PTPRD: variants seen among roughly 807,000 people sequenced by gnomAD.
PTPRD encodes protein tyrosine phosphatase receptor type D, also known as receptor-type tyrosine-protein phosphatase delta.
In PTPRD, 34 loss-of-function variants were observed where a neutral mutation model predicts 214.5. That is an observed-to-expected ratio of 0.16 (90% CI 0.12 to 0.21). The LOEUF (loss-of-function observed/expected upper bound fraction) is 0.21, where lower values mean the gene tolerates loss of function less well. Ranked by LOEUF, PTPRD falls within the 10% of genes least tolerant of loss-of-function variation. The pLI, the probability that PTPRD is intolerant of heterozygous loss-of-function variation, is 1.00. For synonymous variants in PTPRD, 1,128 were observed against 845.7 expected, an observed-to-expected ratio of 1.33 and a Z score of -5.79; for missense variants, 2,545 against 2,398.7, an observed-to-expected ratio of 1.06 and a Z score of -1.27.
rs148450933 is a variant in PTPRD, at chr9:10,470,060, A to G, written c.-599-129043T>C. On this transcript the variant is annotated intron_variant, in intron 2 of 45. Coordinates refer to ENST00000381196, the MANE Select transcript of PTPRD (RefSeq NM_002839.4). The stretch of plus-strand genomic sequence containing the variant: ...GGTTAACAGGTAGTGTTTGGTACCA[A>G]AATAGGGGGCTTATATTTAACAATG... Among the ~76,000 whole-genome samples, 609 of 152,204 alleles carry G rather than the reference A, an allele frequency of 4.0e-3. 6 individuals are homozygous for G. Among genetic ancestry groups the G allele is most frequent in the African/African-American group, 0.014 (579 of 41,528 alleles).
intron 3 of PTPRD, among the ~76,000 whole-genome samples, chr9:10,264,631 G>C (rs927073205): frequency 6.6e-6 from 1 of 152,128 alleles, no homozygotes; most frequent in Non-Finnish European, 1.5e-5. Flanking sequence ...CAGCCTCATA[G>C]GCCAAAGGGA....
chr9:9,076,859 GT>G (rs1421964699), intron 10 of PTPRD, among the ~76,000 whole-genome samples: 1 of 148,888 alleles, frequency 6.7e-6, no homozygotes, highest in Non-Finnish European at 1.5e-5. Flanking sequence ...TCTATTTTTA[GT>G]TTTTTGAGGA....
At chr9:9,269,244 C>T (rs1941691137) in intron 9 of PTPRD, among the ~76,000 whole-genome samples, 1 of 151,254 alleles carries the variant, frequency 6.6e-6, no homozygotes, top group African/African-American at 2.4e-5. Flanking sequence ...GGTTAATAGG[C>T]ATATGAGACA....
At chr9:8,370,203 TATATAC>T (rs907289933) in intron 39 of PTPRD, among the ~76,000 whole-genome samples, 2 of 41,106 alleles carry the variant, frequency 4.9e-5, no homozygotes, top group African/African-American at 1.2e-4. Flanking sequence ...TGCACATATA[TATATAC>T]ACACACACAC....
At chr9:9,966,863 A>C (rs976492116) in intron 4 of PTPRD, among the ~76,000 whole-genome samples, 22 of 152,178 alleles carry the variant, frequency 1.4e-4, no homozygotes, top group Admixed American at 2.6e-4. Context: ...CCATTAACAG[A>C]AACAGCTCAC....
intron 3 of PTPRD, among the ~76,000 whole-genome samples, chr9:10,179,625 G>A (rs947456483): frequency 2.0e-5 from 3 of 151,916 alleles, no homozygotes; most frequent in Admixed American, 6.6e-5. Context: ...TTTATTATAG[G>A]TTTATTGCAT....
chr9:9,453,895 T>C (rs2092617120), intron 8 of PTPRD, among the ~76,000 whole-genome samples: 1 of 151,732 alleles, frequency 6.6e-6, no homozygotes, highest in Non-Finnish European at 1.5e-5. Flanking sequence ...AATCCATCAC[T>C]GCTACATGTG....
intron 8 of PTPRD, among the ~76,000 whole-genome samples, chr9:9,401,956 C>T (rs899793543): frequency 1.3e-5 from 2 of 152,056 alleles, no homozygotes; most frequent in Admixed American, 1.3e-4. Flanking sequence ...GTCAATTAAA[C>T]CTCTCTCCTT....
At chr9:8,464,200 T>G (rs931774147) in intron 32 of PTPRD, among the ~76,000 whole-genome samples, 4 of 151,926 alleles carry the variant, frequency 2.6e-5, no homozygotes, top group African/African-American at 9.7e-5. Flanking sequence ...GATTCTCTGA[T>G]CTACCTCAAT....
intron 5 of PTPRD, among the ~76,000 whole-genome samples, chr9:9,796,573 G>A (rs946129637): frequency 6.6e-6 from 1 of 152,074 alleles, no homozygotes; most frequent in African/African-American, 2.4e-5. Context: ...ATGAAGAGAG[G>A]TACAAAACCT....
intron 3 of PTPRD, among the ~76,000 whole-genome samples, chr9:10,041,341 G>T (rs2097293829): frequency 6.6e-6 from 1 of 151,864 alleles, no homozygotes. Context: ...ATAGAAATGT[G>T]AAATTCAGTG....
At chr9:8,908,546 AT>A (rs1281900122) in intron 11 of PTPRD, among the ~76,000 whole-genome samples, 1 of 152,090 alleles carries the variant, frequency 6.6e-6, no homozygotes, top group Non-Finnish European at 1.5e-5. Context: ...TTTGAACTGA[AT>A]GAAAATAACA....
intron 3 of PTPRD, among the ~76,000 whole-genome samples, chr9:10,051,994 G>GA (rs547467737): frequency 5.1e-4 from 78 of 152,094 alleles, no homozygotes; most frequent in African/African-American, 1.8e-3. Flanking sequence ...ACCCAGGCTG[G>GA]AGTACAGTGT....
intron 2 of PTPRD, among the ~76,000 whole-genome samples, chr9:10,434,084 A>C (rs1420900964): frequency 6.6e-6 from 1 of 152,000 alleles, no homozygotes; most frequent in East Asian, 1.9e-4. Flanking sequence ...AGACATCTTA[A>C]TGCCCTTGAC....
intron 3 of PTPRD, among the ~76,000 whole-genome samples, chr9:10,189,495 A>C (rs537651714): frequency 6.6e-6 from 1 of 152,298 alleles, no homozygotes; most frequent in African/African-American, 2.4e-5. Flanking sequence ...TCACAAATCC[A>C]GCTCAGATTC....
At chr9:9,745,815 A>G (rs1362501272) in intron 6 of PTPRD, among the ~76,000 whole-genome samples, 2 of 152,122 alleles carry the variant, frequency 1.3e-5, no homozygotes, top group African/African-American at 4.8e-5. Context: ...AGTGCTTTTC[A>G]TATAGTATAT....
intron 5 of PTPRD, among the ~76,000 whole-genome samples, chr9:9,773,512 A>T (rs1328263042): frequency 6.6e-6 from 1 of 152,148 alleles, no homozygotes; most frequent in Non-Finnish European, 1.5e-5. Context: ...TCTCTAAGAG[A>T]GGTATTATAG....
At chr9:10,560,414 G>A (rs959516016) in intron 2 of PTPRD, among the ~76,000 whole-genome samples, 1 of 151,944 alleles carries the variant, frequency 6.6e-6, no homozygotes, top group Non-Finnish European at 1.5e-5. Context: ...GTTGTGGGGT[G>A]GGGGGAGTGG....
chr9:9,192,006 C>A (rs762400904), intron 9 of PTPRD, among the ~76,000 whole-genome samples: 1 of 151,922 alleles, frequency 6.6e-6, no homozygotes, highest in Non-Finnish European at 1.5e-5. Flanking sequence ...AAATAGCTAA[C>A]CCAATTCCTG....
Sources: allele counts gnomAD v4.1 joint callset (sites outside exome capture counted in the v4.1 genomes callset), GRCh38; gene constraint gnomAD v4.1.1; transcripts MANE v1.5; gene names NCBI Gene and HGNC (gene_info 2026-07-23, HGNC 2026-07-21).